Variants in HYDIN observed in about 807,000 individuals in gnomAD.
HYDIN encodes the protein axonemal central pair apparatus protein HYDIN.
A neutral mutation model predicts 403.9 loss-of-function variants in HYDIN; 132 were observed. The observed-to-expected ratio is 0.33, with a 90% CI of 0.28 to 0.38. HYDIN has a LOEUF of 0.38. HYDIN is among the 10% of genes least tolerant of loss of function. The pLI, the probability that HYDIN is intolerant of heterozygous loss-of-function variation, is 1.00. For synonymous variants in HYDIN, 1,202 were observed against 1,891.7 expected (o/e 0.64, Z 9.46); for missense variants, 2,827 against 5,009.5 (o/e 0.56, Z 13.15).
At chr16:71,223,629 G>GA (rs34882416) in intron 1 of HYDIN, among the ~76,000 whole-genome samples, 71 of 144,414 alleles carry the variant, frequency 4.9e-4, no homozygotes, top group South Asian at 1.3e-3. Context: ...AAATCAGCAA[G>GA]AAAAAAAAAA....
At chr16:70,976,066 C>T (rs995118765) in intron 30 of HYDIN, among the ~76,000 whole-genome samples, 7 of 150,392 alleles carry the variant, frequency 4.7e-5, no homozygotes, top group Non-Finnish European at 1.0e-4. Flanking sequence ...GCTAGAAAGA[C>T]AAGTTTGTTT....
chr16:71,020,242 A>G lies in HYDIN; in HGVS notation c.3262T>C (p.Leu1088=). The G allele has an allele frequency of 3.1e-6, 5 of 1,614,068 alleles. No homozygotes were observed. Among genetic ancestry groups the G allele is most frequent in the Non-Finnish European group, 4.2e-6 (5 of 1,179,998 alleles). Residue 1088 remains leucine (L), a synonymous_variant, in exon 22 of 86, where the codon TTG becomes CTG. Coordinates refer to ENST00000393567, the MANE Select transcript of HYDIN (RefSeq NM_001270974.2). ...KNISTLPVNL[L]LSTSGPFFIC... ...AAGAAGGGTCCAGATGTTGACAGCA[A>G]CAAGTTCACGGGCAGGGTGGAAATG...
chr16:71,230,620 T>G lies in HYDIN; in HGVS notation c.-82A>C. 3 of 1,535,668 alleles carry G rather than the reference T, an allele frequency of 2.0e-6. No individual in the cohort carries two copies. Among genetic ancestry groups the G allele is most frequent in the Non-Finnish European group, 1.7e-6 (2 of 1,146,770 alleles). On this transcript the variant is annotated 5_prime_UTR_variant, in exon 1 of 86. Transcript: ENST00000393567. ...CTCCATTCCCCGCCAAGACCCCGCG[T>G]CCAACTCACAGACCCCGCCGCCGCT... is the stretch of plus-strand genomic sequence containing the variant.
intron 1 of HYDIN, among the ~76,000 whole-genome samples, chr16:71,225,623 G>A (rs1373319760): frequency 6.6e-6 from 1 of 152,140 alleles, no homozygotes; most frequent in East Asian, 1.9e-4. Context: ...GGTATTGTGG[G>A]ATGAAACACA....
At chr16:70,851,743 AAAAAC>A (rs374285081) in intron 73 of HYDIN, among the ~76,000 whole-genome samples, 7 of 141,106 alleles carry the variant, frequency 5.0e-5, no homozygotes, top group Non-Finnish European at 6.0e-5. Context: ...CAATCTCATA[AAAAAC>A]AAAACAAAAC....
intron 1 of HYDIN, among the ~76,000 whole-genome samples, chr16:71,197,539 T>G (rs2087761402): frequency 6.6e-6 from 1 of 152,194 alleles, no homozygotes; most frequent in Admixed American, 6.5e-5. Flanking sequence ...TTAAAAGATT[T>G]TATTGTGAAA....
intron 45 of HYDIN, among the ~76,000 whole-genome samples, chr16:70,932,736 T>C (rs1328679759): frequency 1.3e-5 from 2 of 152,268 alleles, no homozygotes; most frequent in East Asian, 1.9e-4. Flanking sequence ...TGTTTTTTTT[T>C]AAAGGTTCAC....
Position 71,208,448 on chromosome 16 carries a change from A to C in HYDIN, c.-23-21530T>G, listed in dbSNP as rs186194417. Among the ~76,000 whole-genome samples, 55 of 152,348 alleles carry C rather than the reference A, an allele frequency of 3.6e-4. No homozygotes were observed. In the Middle Eastern group the frequency reaches 0.037, roughly 104 times the overall value. On this transcript the variant is annotated intron_variant, in intron 1 of 85. Coordinates refer to ENST00000393567, the MANE Select transcript of HYDIN (RefSeq NM_001270974.2). ...ATTTATAGCACTAAATGCCCACATC[A>C]AAAAGTTAGAAAGATCTCAAATTAA...
intron 20 of HYDIN, chr16:71,026,984 G>C (rs1202015906): frequency 4.0e-6 from 1 of 250,400 alleles, no homozygotes; most frequent in Non-Finnish European, 6.3e-6. Flanking sequence ...CTTTCCTTTA[G>C]GTTTTTAATG....
In HYDIN at chr16:71,184,919, C is replaced by T. The variant is rs763234157; in HGVS notation, c.207G>A (p.Met69Ile). Residue 69 changes from methionine (M) to isoleucine (I), a missense_variant, in exon 3 of 86, where the codon ATG becomes ATA. Transcript: ENST00000393567. ...TEQRLAKTRL[M>I]CRPQIIELLD... ...AGAGTTCGATGATCTGTGGTCGGCA[C>T]ATCAAACGTGTTTTTGCCAGTCTCT... 10 of 1,610,802 alleles carry T rather than the reference C, an allele frequency of 6.2e-6. No homozygotes were observed. Among genetic ancestry groups the T allele is most frequent in the Non-Finnish European group, 8.5e-6 (10 of 1,177,876 alleles).
intron 12 of HYDIN, chr16:71,087,732 C>T (rs2082972296): frequency 6.9e-6 from 1 of 145,238 alleles, no homozygotes; most frequent in African/African-American, 2.5e-5. Flanking sequence ...CCAGGGCTTG[C>T]CCCAAGGGAG....
intron 1 of HYDIN, among the ~76,000 whole-genome samples, chr16:71,197,480 T>C (rs376942725): frequency 3.9e-5 from 6 of 152,304 alleles, no homozygotes; most frequent in African/African-American, 1.4e-4. Context: ...GTGATAAATT[T>C]TAATTTCAGT....
chr16:70,849,846 C>T lies in HYDIN; in HGVS notation c.12753G>A (p.Leu4251=), dbSNP rs758749241. 2.6e-5 allele frequency: 21 copies of T among 792,992 alleles called. No homozygotes were observed. The South Asian group carries it at 3.1e-4, about 12-fold the overall frequency. 49.1% of individuals were successfully genotyped at this position (792,992 alleles called of 1,614,324 possible). A position where few individuals can be genotyped will look rare whatever the true frequency, so the allele number is the denominator to read the frequency against. ...QAQLCGSKTL[L]QYLEFSPIDS... is the part of the protein sequence containing the mutation. ...CGATGGGTGAAAATTCCAAGTACTG[C>T]AGCAAGGTTTTGGAGCCACACAGCT... The change falls in exon 75 of 86, where the codon CTG becomes CTA. Residue 4251 remains leucine, a synonymous_variant. Coordinates refer to ENST00000393567, the MANE Select transcript of HYDIN (RefSeq NM_001270974.2).
At chr16:71,188,156 A>C (rs2087245433) in intron 1 of HYDIN, among the ~76,000 whole-genome samples, 1 of 152,016 alleles carries the variant, frequency 6.6e-6, no homozygotes, top group African/African-American at 2.4e-5. Flanking sequence ...TCCCAAGAAG[A>C]GGATTTCTAT....
At chr16:70,948,733 G>A (rs113602586) in intron 41 of HYDIN, among the ~76,000 whole-genome samples, 9 of 152,028 alleles carry the variant, frequency 5.9e-5, no homozygotes, top group East Asian at 3.9e-4. Flanking sequence ...GCCATCAGAG[G>A]AATGCAAATC....
chr16:70,965,683 T>C (rs1386740817), intron 36 of HYDIN, among the ~76,000 whole-genome samples: 1 of 152,184 alleles, frequency 6.6e-6, no homozygotes, highest in Admixed American at 6.5e-5. Flanking sequence ...TTCTTCAGGA[T>C]CCCCATTTTT....
Position 70,808,049 on chromosome 16 carries a change from T to G in HYDIN, c.14897A>C (p.Asp4966Ala). ...ATTAATGAGTTTTTCTGCGTGGAAG[T>G]CTGTACAGTCGGTCTGAAAGGGGAA... ...TEYYCRTDCT[D>A]FHAEKLINAA... The change falls in exon 86 of 86, where the codon GAC (aspartate) becomes GCC (alanine). Residue 4966 changes from aspartate (D) to alanine (A), a missense_variant. By Grantham distance (126) the Asp-to-Ala change is moderately radical. Transcript: ENST00000393567. 1 of 1,609,442 alleles carries G rather than the reference T, an allele frequency of 6.2e-7. No homozygotes were observed. Among genetic ancestry groups the G allele is most frequent in the Non-Finnish European group, 8.5e-7 (1 of 1,177,032 alleles).
Position 70,806,211 on chromosome 16 carries a change from G to T in HYDIN, c.*1369C>A, listed in dbSNP as rs2035099409. ...TGCCTAATTTATAAATTAATCAAAGGTATGTATGTAAAGGAAAATACCACA... is the reference window on the plus strand; with the variant it reads ...TGCCTAATTTATAAATTAATCAAAGTTATGTATGTAAAGGAAAATACCACA... On this transcript the variant is annotated 3_prime_UTR_variant, in exon 86 of 86. Coordinates refer to ENST00000393567, the MANE Select transcript of HYDIN (RefSeq NM_001270974.2). Among the ~76,000 whole-genome samples, 1 of 152,052 alleles carries T rather than the reference G, an allele frequency of 6.6e-6. No homozygotes were observed. Among genetic ancestry groups the T allele is most frequent in the Admixed American group, 6.5e-5 (1 of 15,280 alleles).
intron 12 of HYDIN, chr16:71,087,648 T>C (rs1184025264): frequency 7.5e-6 from 1 of 133,802 alleles, no homozygotes; most frequent in Non-Finnish European, 1.6e-5. Flanking sequence ...GAATGTATAG[T>C]ATATATCATG....
Sources: gnomAD v4.1 joint callset for allele counts (sites outside exome capture counted in the v4.1 genomes callset) on GRCh38, gnomAD v4.1.1 for gene constraint, MANE v1.5 for transcripts, NCBI Gene and HGNC (gene_info 2026-07-23, HGNC 2026-07-21) for gene names.